The following TLN2 variants were observed in gnomAD, a reference collection of about 807,000 sequenced individuals.
TLN2 encodes the protein talin 2.
A neutral mutation model predicts 294.7 loss-of-function variants in TLN2; 118 were observed. The observed-to-expected ratio is 0.40, with a 90% CI of 0.34 to 0.47. TLN2 has a LOEUF of 0.47. Ranked by LOEUF, TLN2 falls within the 20% of genes least tolerant of loss-of-function variation. TLN2 has a pLI of 0.84. For synonymous variants in TLN2, 1,431 were observed against 1,304.5 expected (o/e 1.10, Z -2.09); for missense variants, 3,083 against 3,282.2 (o/e 0.94, Z 1.48).
At chr15:62,571,515 T>G (rs2043855362) in intron 1 of TLN2, among the ~76,000 whole-genome samples, 1 of 152,240 alleles carries the variant, frequency 6.6e-6, no homozygotes, top group Non-Finnish European at 1.5e-5. Context: ...TTTCAGAGTT[T>G]TGAGCTTGTT....
At chr15:62,601,980 T>C (rs929750761) in intron 2 of TLN2, among the ~76,000 whole-genome samples, 3 of 152,222 alleles carry the variant, frequency 2.0e-5, no homozygotes, top group East Asian at 1.9e-4. Flanking sequence ...TCTGGTGAGA[T>C]CAAATGTTAC....
At position 62,456,556 on chromosome 15, in the gene TLN2, G is replaced by C. The variant is rs143190328; in HGVS notation, c.-238+65871G>C. Among the ~76,000 whole-genome samples the C allele has an allele frequency of 4.6e-5, 7 of 152,320 alleles. No individual in the cohort carries two copies. In the East Asian group the frequency reaches 1.3e-3, roughly 29 times the overall value. ...TGGTATTCAGAATTCACATTGGGTA[G>C]ACTTAGGTAGTATTTATAGCATTCC... On this transcript the variant is annotated intron_variant, in intron 1 of 58. Transcript: ENST00000636159.
At chr15:62,766,741 C>G (rs1782811454) in intron 41 of TLN2, among the ~76,000 whole-genome samples, 5 of 152,238 alleles carry the variant, frequency 3.3e-5, no homozygotes. Context: ...GAGACTGAAG[C>G]AGACACTCCT....
In TLN2 at chr15:62,574,022, C is replaced by T. The variant is rs111440846; in HGVS notation, c.-237-15665C>T. Reference sequence around the variant, plus strand: ...CTTCCTGGGTGTCCCATCTTTGGTGCAGGGTTAAGGAAGGAGCCTTGGGAC... The same window carrying T: ...CTTCCTGGGTGTCCCATCTTTGGTGTAGGGTTAAGGAAGGAGCCTTGGGAC... On this transcript the variant is annotated intron_variant, in intron 1 of 58. Transcript: ENST00000636159. 3.8e-3 allele frequency among the ~76,000 whole-genome samples: 580 copies of T among 152,206 alleles called. 3 individuals carry two copies. The highest frequency in any genetic ancestry group is 5.2e-3 in the Non-Finnish European group (351 of 68,016).
At chr15:62,456,180 G>A (rs963994668) in intron 1 of TLN2, among the ~76,000 whole-genome samples, 1 of 152,058 alleles carries the variant, frequency 6.6e-6, no homozygotes, top group Non-Finnish European at 1.5e-5. Flanking sequence ...CTTTTCCAAG[G>A]GCCTCTTCAC....
chr15:62,722,341 A>G lies in TLN2; in HGVS notation c.2992-12A>G, dbSNP rs1380224162. ...CCAGGAGCCATCTTACTTTCTTTTC[A>G]TCTCTCTATAGCCTGGAAGCAAGAT... On this transcript the variant is annotated splice_polypyrimidine_tract_variant and intron_variant, in intron 25 of 58. Coordinates refer to ENST00000636159, the MANE Select transcript of TLN2 (RefSeq NM_015059.3). 4 of 1,594,150 alleles carry G rather than the reference A, an allele frequency of 2.5e-6. No individual in the cohort carries two copies. In the South Asian group the frequency reaches 3.4e-5, roughly 13 times the overall value.
chr15:62,690,462 C>T (rs28695831), intron 12 of TLN2: 5,650 of 119,044 alleles, frequency 0.047, 167 homozygotes, highest in South Asian at 0.066. Context: ...GGCGGCCGGC[C>T]GGGAAGAGGC....
At chr15:62,809,173 A>G (rs2066502740) in intron 51 of TLN2, among the ~76,000 whole-genome samples, 2 of 152,152 alleles carry the variant, frequency 1.3e-5, no homozygotes, top group African/African-American at 4.8e-5. Flanking sequence ...ATTTTTTTTC[A>G]TTGATTATCT....
intron 8 of TLN2, 115 bp downstream of exon 8, chr15:62,656,201 T>G (rs1370822570): frequency 2.9e-6 from 4 of 1,358,812 alleles, no homozygotes; most frequent in Non-Finnish European, 3.0e-6. Flanking sequence ...TGGCGTCGTT[T>G]CCAGCAGGCG....
At chr15:62,717,412 C>A (rs375911910) in intron 23 of TLN2, among the ~76,000 whole-genome samples, 164 bp from the exon 24 acceptor site, 1 of 152,138 alleles carries the variant, frequency 6.6e-6, no homozygotes, top group Non-Finnish European at 1.5e-5. Context: ...AGGAAGATAG[C>A]GTGTTGTAAG....
chr15:62,783,837 G>A lies in TLN2; in HGVS notation c.5683G>A (p.Gly1895Arg). 2.5e-6 allele frequency: 4 copies of A among 1,613,968 alleles called. No individual in the cohort carries two copies. Among genetic ancestry groups the A allele is most frequent in the Non-Finnish European group, 3.4e-6 (4 of 1,179,872 alleles). ...GGCTTCACAAATGACCAGTGACTAT[G>A]GGCACCTGGCTTTCCAGGGCCAGAT... is the stretch of plus-strand genomic sequence containing the variant. ...GLASQMTSDY[G>R]HLAFQGQMAA... Residue 1895 changes from glycine to arginine, a missense_variant, in exon 45 of 59, where the codon GGG (glycine) becomes AGG (arginine). Transcript: ENST00000636159.
chr15:62,750,254 C>T, intron 33 of TLN2, 148 bp from the exon 34 acceptor site: 1 of 673,026 alleles, frequency 1.5e-6, no homozygotes, highest in Non-Finnish European at 2.7e-6. Context: ...GTCATGATAC[C>T]ATGATGTAAA....
At chr15:62,772,414 TGGA>T (rs1400983026) in intron 42 of TLN2, among the ~76,000 whole-genome samples, 2 of 152,088 alleles carry the variant, frequency 1.3e-5, no homozygotes, top group Admixed American at 1.3e-4. Context: ...AGTGGTGGAA[TGGA>T]GTGAGAAAAA....
At chr15:62,395,859 A>C (rs1457805239) in intron 1 of TLN2, among the ~76,000 whole-genome samples, 1 of 151,836 alleles carries the variant, frequency 6.6e-6, no homozygotes, top group Non-Finnish European at 1.5e-5. Context: ...TATTTTTTTG[A>C]GATGGTGTCT....
intron 1 of TLN2, among the ~76,000 whole-genome samples, chr15:62,433,972 G>A (rs1341813172): frequency 6.6e-6 from 1 of 152,118 alleles, no homozygotes; most frequent in Non-Finnish European, 1.5e-5. Flanking sequence ...CTGGGTGACA[G>A]AGCAAGATTC....
chr15:62,631,929 G>T (rs2049938026), intron 3 of TLN2, among the ~76,000 whole-genome samples: 1 of 152,036 alleles, frequency 6.6e-6, no homozygotes, highest in South Asian at 2.1e-4. Context: ...CTCTATAGAT[G>T]ATGATAAAAT....
rs137912638 is a variant in TLN2 at position 62,739,460 on chromosome 15, G to T, written c.3800G>T (p.Gly1267Val). The change falls in exon 31 of 59, where the codon GGA becomes GTA. Residue 1267 changes from glycine (G) to valine (V), a missense_variant. Gly to Val is a moderately radical substitution (Grantham distance 109). Coordinates refer to ENST00000636159, the MANE Select transcript of TLN2 (RefSeq NM_015059.3). ...GTCCATGCCACCCGGGGCCAGAGTGGAGAGTTGGCTGCAGCCTCTGGAAAG... is the reference window on the plus strand; with the variant it reads ...GTCCATGCCACCCGGGGCCAGAGTGTAGAGTTGGCTGCAGCCTCTGGAAAG... Reference protein sequence around the residue: ...EVVHATRGQSGELAAASGKFS... With the variant: ...EVVHATRGQSVELAAASGKFS... The T allele has an allele frequency of 3.7e-4, 601 of 1,614,086 alleles. 3 individuals are homozygous for T. Among genetic ancestry groups the T allele is most frequent in the Non-Finnish European group, 7.7e-5 (91 of 1,180,050 alleles).
At chr15:62,567,707 C>T (rs1489016254) in intron 1 of TLN2, among the ~76,000 whole-genome samples, 2 of 152,156 alleles carry the variant, frequency 1.3e-5, no homozygotes, top group African/African-American at 2.4e-5. Context: ...TGATGGCGCG[C>T]GCCTGTAATC....
intron 1 of TLN2, among the ~76,000 whole-genome samples, chr15:62,487,701 G>T (rs2038479566): frequency 6.6e-6 from 1 of 151,772 alleles, no homozygotes; most frequent in Admixed American, 6.6e-5. Flanking sequence ...GGGAGGCTGA[G>T]GCAGGTGGAT....
Sources: gnomAD v4.1 joint callset for allele counts (sites outside exome capture counted in the v4.1 genomes callset) on GRCh38, gnomAD v4.1.1 for gene constraint, MANE v1.5 for transcripts, NCBI Gene and HGNC (gene_info 2026-07-23, HGNC 2026-07-21) for gene names.